The following NPFFR1 variants were observed in gnomAD, a reference collection of about 807,000 sequenced individuals.
NPFFR1 encodes the protein G-protein coupled receptor 147.
NPFFR1 carries 17 observed loss-of-function variants against 12.7 expected under a neutral mutation model. That is an observed-to-expected ratio of 1.34 (90% CI 0.92 to 2.01). NPFFR1 has a LOEUF of 2.01. Among genes scored for constraint, NPFFR1 ranks in the 30% most tolerant of loss-of-function variants. The pLI is 0.00. For missense variants in NPFFR1, 604 were observed against 606.5 expected (o/e 1.00, Z 0.04); for synonymous variants, 296 against 264.5 (o/e 1.12, Z -1.16).
intron 2 of NPFFR1, among the ~76,000 whole-genome samples, chr10:70,262,993 A>G (rs1021318952): frequency 6.6e-6 from 1 of 152,150 alleles, no homozygotes; most frequent in African/African-American, 2.4e-5. Context: ...CTCTGACTCT[A>G]CAAAAACAAA....
rs982884280 is a variant in NPFFR1, at chr10:70,278,348, T to G, written c.7+5322A>C. ...TTTCCTGAAGAATAAAAGCCAGATCTCCCCCATCTTGAATGTAAGCCATTA... is the reference window on the plus strand; with the variant it reads ...TTTCCTGAAGAATAAAAGCCAGATCGCCCCCATCTTGAATGTAAGCCATTA... On this transcript the variant is annotated intron_variant, in intron 1 of 3. Transcript: ENST00000277942. 3.7e-4 allele frequency among the ~76,000 whole-genome samples: 51 copies of G among 137,450 alleles called. 1 individual carries two copies. Among genetic ancestry groups the G allele is most frequent in the Non-Finnish European group, 5.8e-4 (37 of 64,140 alleles). 90.2% of individuals were successfully genotyped at this position (137,450 alleles called of 152,430 possible). A position where few individuals can be genotyped will look rare whatever the true frequency, so the allele number is the denominator to read the frequency against.
Position 70,266,276 on chromosome 10 carries a change from A to T in NPFFR1, c.123T>A (p.Pro41=). Residue 41 remains proline (P), a synonymous_variant, in exon 2 of 4, where the codon CCT becomes CCA. Transcript: ENST00000277942. ...TFSSYYQHTS[P]VAAMFIVAYA... ...AGGCCACAATGAACATGGCCGCCAC[A>T]GGGGAGGTGTGCTGATAGTAGGAGG... 1 of 1,613,914 alleles carries T rather than the reference A, an allele frequency of 6.2e-7. No individual in the cohort carries two copies. The highest frequency in any genetic ancestry group is 8.5e-7 in the Non-Finnish European group (1 of 1,179,854).
chr10:70,264,366 CAAAAAAAAAA>C (rs56178146), intron 2 of NPFFR1, among the ~76,000 whole-genome samples: 1 of 74,582 alleles, frequency 1.3e-5, no homozygotes, highest in Non-Finnish European at 2.4e-5. Context: ...AGTGAGACTC[CAAAAAAAAAA>C]AAAAAAAAAA....
chr10:70,255,175 C>T lies in NPFFR1; in HGVS notation c.1075G>A (p.Ala359Thr), dbSNP rs200382790. ...AGCCCGCCGGGCCGCTCGGAGTAGG[C>T]CTCCTTGTGGCTCCCCGACGGGCGC... Reference protein sequence around the residue: ...CPRPSGSHKEAYSERPGGLLH... With the variant: ...CPRPSGSHKETYSERPGGLLH... Residue 359 changes from alanine to threonine, a missense_variant, in exon 4 of 4, where the codon GCC (alanine) becomes ACC (threonine). By Grantham distance (58) the Ala-to-Thr change is moderately conservative. Transcript: ENST00000277942. The surrounding 1 kb of genome is among the most constrained non-coding windows in gnomAD (Gnocchi z 4.2). 1,817 of 1,547,740 alleles carry T rather than the reference C, an allele frequency of 1.2e-3. 27 individuals carry two copies. In the African/African-American group the frequency reaches 0.022, roughly 18 times the overall value.
At chr10:70,258,064 C>A (rs1233826221) in intron 3 of NPFFR1, among the ~76,000 whole-genome samples, 4 of 152,182 alleles carry the variant, frequency 2.6e-5, no homozygotes, top group African/African-American at 9.7e-5. Context: ...AACTCAGAGA[C>A]CGGTGCCGGC....
chr10:70,259,180 G>A (rs748322459), intron 3 of NPFFR1, among the ~76,000 whole-genome samples: 10 of 151,944 alleles, frequency 6.6e-5, no homozygotes, highest in Admixed American at 1.3e-4. Flanking sequence ...CAGCTACTCC[G>A]GGGACTGAGG....
At position 70,259,043 on chromosome 10, in the gene NPFFR1, T is replaced by C. The variant is rs138708632; in HGVS notation, c.422+1597A>G. Among the ~76,000 whole-genome samples, 8 of 152,260 alleles carry C rather than the reference T, an allele frequency of 5.3e-5. No individual in the cohort carries two copies. In the East Asian group the frequency reaches 1.5e-3, roughly 29 times the overall value. On this transcript the variant is annotated intron_variant, in intron 3 of 3. Coordinates refer to ENST00000277942, the MANE Select transcript of NPFFR1 (RefSeq NM_022146.5). ...GAGAATAGTGGCTTATGTCAGCACT[T>C]TGGGAGGCTGAGGAGGGTGGATCAC...
intron 1 of NPFFR1, 79 bp from the exon 2 acceptor site, chr10:70,266,470 T>C (rs1840692792): frequency 8.4e-7 from 1 of 1,190,798 alleles, no homozygotes. Flanking sequence ...TGAGACCCTC[T>C]GTGTGCCAAA....
At chr10:70,280,837 A>T (rs749450280) in intron 1 of NPFFR1, among the ~76,000 whole-genome samples, 5 of 152,042 alleles carry the variant, frequency 3.3e-5, no homozygotes, top group African/African-American at 4.8e-5. Flanking sequence ...CCCTGTCTCT[A>T]CTAAAAACAC....
At chr10:70,279,303 C>T (rs1420838432) in intron 1 of NPFFR1, among the ~76,000 whole-genome samples, 1 of 152,068 alleles carries the variant, frequency 6.6e-6, no homozygotes, top group African/African-American at 2.4e-5. Flanking sequence ...TGTACCACCA[C>T]ACCCGGCTAA....
chr10:70,265,194 G>A (rs951843953), intron 2 of NPFFR1, among the ~76,000 whole-genome samples: 2 of 152,152 alleles, frequency 1.3e-5, no homozygotes, highest in South Asian at 2.1e-4. Context: ...CCTCTGCCCC[G>A]AGTCAGTGAA....
intron 2 of NPFFR1, among the ~76,000 whole-genome samples, chr10:70,264,437 A>C (rs1840669021): frequency 6.6e-6 from 1 of 152,022 alleles, no homozygotes; most frequent in Non-Finnish European, 1.5e-5. Context: ...TAATTGCAGA[A>C]GATTCTATTA....
chr10:70,269,910 C>T (rs1433187929), intron 1 of NPFFR1, among the ~76,000 whole-genome samples: 2 of 152,222 alleles, frequency 1.3e-5, no homozygotes, highest in South Asian at 2.1e-4. Flanking sequence ...GGTCACTTTG[C>T]CATCTGCTTA....
In NPFFR1 at chr10:70,254,068, G is replaced by A. The variant is rs1439801951; in HGVS notation, c.*889C>T. 6.6e-6 allele frequency: 1 copy of A among 152,224 alleles called. No homozygotes were observed. The highest frequency in any genetic ancestry group is 1.5e-5 in the Non-Finnish European group (1 of 68,056). 9.4% of individuals were successfully genotyped at this position (152,224 alleles called of 1,614,324 possible). A position where few individuals can be genotyped will look rare whatever the true frequency, so the allele number is the denominator to read the frequency against. ...ACCTGCAGCCCCAGTGAGCAGATGT[G>A]TTTCCCAATGTGGAAAATGCATACC... On this transcript the variant is annotated 3_prime_UTR_variant, in exon 4 of 4. Coordinates refer to ENST00000277942, the MANE Select transcript of NPFFR1 (RefSeq NM_022146.5).
intron 3 of NPFFR1, 100 bp downstream of exon 3, chr10:70,260,540 C>CA: frequency 9.5e-7 from 1 of 1,048,322 alleles, no homozygotes; most frequent in East Asian, 2.6e-5. Flanking sequence ...TACCATGGTG[C>CA]AGCCCCAGCC....
At chr10:70,269,040 T>C (rs1326722852) in intron 1 of NPFFR1, among the ~76,000 whole-genome samples, 7 of 152,218 alleles carry the variant, frequency 4.6e-5, no homozygotes, top group African/African-American at 1.7e-4. Context: ...GTTTGTCATA[T>C]GGACTGAGTG....
intron 3 of NPFFR1, among the ~76,000 whole-genome samples, chr10:70,260,159 C>T (rs1364963765): frequency 2.6e-5 from 4 of 152,138 alleles, no homozygotes; most frequent in South Asian, 2.1e-4. Context: ...GGCTGAGAGA[C>T]GAGAAGCGGT....
At chr10:70,260,170 G>C (rs1840617517) in intron 3 of NPFFR1, among the ~76,000 whole-genome samples, 1 of 152,194 alleles carries the variant, frequency 6.6e-6, no homozygotes, top group Admixed American at 6.5e-5. Context: ...GAGAAGCGGT[G>C]AACGTGGGGA....
At position 70,260,083 on chromosome 10, in the gene NPFFR1, G is replaced by A. The variant is rs146336923; in HGVS notation, c.422+557C>T. Among the ~76,000 whole-genome samples, 5 of 152,308 alleles carry A rather than the reference G, an allele frequency of 3.3e-5. No individual in the cohort carries two copies. In the East Asian group the frequency reaches 9.6e-4, roughly 29 times the overall value. ...ATTGATTGCAAGCCTCCTTCTCCCT[G>A]GCTCTGCTCCATACCTTTGGCCACA... is the stretch of plus-strand genomic sequence containing the variant. On this transcript the variant is annotated intron_variant, in intron 3 of 3. Coordinates refer to ENST00000277942, the MANE Select transcript of NPFFR1 (RefSeq NM_022146.5).
Sources: gnomAD v4.1 joint callset for allele counts (sites outside exome capture counted in the v4.1 genomes callset) on GRCh38, gnomAD v4.1.1 for gene constraint, Gnocchi (gnomAD v3.1) non-coding constraint, MANE v1.5 for transcripts, NCBI Gene and HGNC (gene_info 2026-07-23, HGNC 2026-07-21) for gene names.